The following SLC2A12 variants were observed in gnomAD, a reference collection of about 807,000 sequenced individuals.
SLC2A12 encodes solute carrier family 2, facilitated glucose transporter member 12.
SLC2A12 carries 23 observed loss-of-function variants against 41.8 expected under a neutral mutation model. The observed-to-expected ratio is 0.55, with a 90% CI of 0.40 to 0.78. The LOEUF (loss-of-function observed/expected upper bound fraction) is 0.78. Ranked by LOEUF, SLC2A12 falls within the 30% of genes least tolerant of loss-of-function variation. SLC2A12 has a pLI of 0.00. For missense variants in SLC2A12, 654 were observed against 745.6 expected (o/e 0.88, Z 1.43); for synonymous variants, 295 against 285.9 (o/e 1.03, Z -0.32).
At chr6:134,023,782 A>C (rs1033959523) in intron 2 of SLC2A12, among the ~76,000 whole-genome samples, 16 of 152,206 alleles carry the variant, frequency 1.1e-4, no homozygotes, top group Non-Finnish European at 4.4e-5. Context: ...AAAGTTTATC[A>C]CAGCAATGGA....
At chr6:134,008,241 T>G (rs766690048) in intron 2 of SLC2A12, among the ~76,000 whole-genome samples, 3 of 152,162 alleles carry the variant, frequency 2.0e-5, no homozygotes, top group Non-Finnish European at 4.4e-5. Flanking sequence ...AACTTAAAAT[T>G]TGCCTCTCCT....
intron 2 of SLC2A12, among the ~76,000 whole-genome samples, chr6:134,024,372 G>A (rs764125811): frequency 7.2e-5 from 11 of 152,190 alleles, no homozygotes; most frequent in South Asian, 2.1e-4. Context: ...TGCCAAGACC[G>A]CAGTCTTCCA....
chr6:133,991,641 T>TG (rs1776625510), intron 4 of SLC2A12, among the ~76,000 whole-genome samples: 1 of 152,188 alleles, frequency 6.6e-6, no homozygotes, highest in Non-Finnish European at 1.5e-5. Flanking sequence ...TCCAGCAATG[T>TG]GCCTATATTT....
chr6:134,016,246 C>T (rs150181737), intron 2 of SLC2A12, among the ~76,000 whole-genome samples: 4 of 149,542 alleles, frequency 2.7e-5, no homozygotes, highest in African/African-American at 9.9e-5. Flanking sequence ...GTTGACTGTC[C>T]GATAAAGATA....
intron 3 of SLC2A12, among the ~76,000 whole-genome samples, chr6:134,004,009 T>G (rs371364735): frequency 2.6e-5 from 4 of 152,222 alleles, no homozygotes; most frequent in South Asian, 4.1e-4. Context: ...AAATGTCATC[T>G]AAAGGTTTTA....
At position 133,988,507 on chromosome 6, in the gene SLC2A12, C is replaced by T. The variant is rs190835768; in HGVS notation, c.*2648G>A. On this transcript the variant is annotated 3_prime_UTR_variant, in exon 5 of 5. Coordinates refer to ENST00000275230, the MANE Select transcript of SLC2A12 (RefSeq NM_145176.3). ...TTAAACCTTTGTGGAAAAATTGCAA[C>T]ATCCTAATCTCCATATATAGTACAT... The T allele has an allele frequency of 6.6e-6, 1 of 152,298 alleles. No individual in the cohort carries two copies. Among genetic ancestry groups the T allele is most frequent in the East Asian group, 1.9e-4 (1 of 5,188 alleles). The allele number at this position is 152,298 out of a possible 1,614,324, so 9.4% of individuals were successfully genotyped here. A position where few individuals can be genotyped will look rare whatever the true frequency, so the allele number is the denominator to read the frequency against.
chr6:134,028,223 GAAGCAGATAT>G (rs1245295605), intron 2 of SLC2A12, among the ~76,000 whole-genome samples, 148 bp downstream of exon 2: 1 of 152,288 alleles, frequency 6.6e-6, no homozygotes, highest in African/African-American at 2.4e-5. Flanking sequence ...GTACTTTTCA[GAAGCAGATAT>G]AAGCCAAGCA....
intron 2 of SLC2A12, among the ~76,000 whole-genome samples, chr6:134,019,363 T>A (rs9389128): frequency 1.3e-5 from 2 of 152,036 alleles, no homozygotes; most frequent in African/African-American, 4.8e-5. Context: ...AGCATGAATA[T>A]AAAAATCTTC....
chr6:134,041,056 C>G (rs1032764429), intron 1 of SLC2A12, among the ~76,000 whole-genome samples: 15 of 152,132 alleles, frequency 9.9e-5, no homozygotes, highest in Admixed American at 4.6e-4. Flanking sequence ...AAGAAAGGAA[C>G]TTTTTAATTT....
rs753859312 is a variant in SLC2A12 at position 134,029,470 on chromosome 6, G to A, written c.355C>T (p.Leu119Phe). The part of the protein sequence containing the change: ...AIILSSCLLG[L>F]GSLVLILSLS... ...CTGAGGATCAAGACTAAGCTTCCGA[G>A]TCCAAGCAGGCAGGATGACAAGATG... The change falls in exon 2 of 5, where the codon CTC (leucine) becomes TTC (phenylalanine). Residue 119 changes from leucine (L) to phenylalanine (F), a missense_variant. Leu to Phe is a conservative substitution (Grantham distance 22, BLOSUM62 0). Coordinates refer to ENST00000275230, the MANE Select transcript of SLC2A12 (RefSeq NM_145176.3). The A allele has an allele frequency of 1.9e-5, 31 of 1,614,052 alleles. No homozygotes were observed. Among genetic ancestry groups the A allele is most frequent in the Non-Finnish European group, 2.4e-5 (28 of 1,180,038 alleles).
In SLC2A12 at chr6:134,029,593, C is replaced by A; in HGVS notation, c.232G>T (p.Glu78Ter). Reference protein sequence around the residue: ...IKTLLALSCHEQEMVVSSLVI... With the variant: ...IKTLLALSCH ...AGGGAGCTCACAACCATTTCCTGCT[C>A]ATGGCAGCTCAGGGCTAATAAGGTT... is the stretch of plus-strand genomic sequence containing the variant. Residue 78 changes from glutamate to a stop codon, truncating the protein, a stop_gained, in exon 2 of 5, where the codon GAG (glutamate) becomes TAG (stop). Coordinates refer to ENST00000275230, the MANE Select transcript of SLC2A12 (RefSeq NM_145176.3). LOFTEE classifies it high-confidence loss of function. 1.2e-6 allele frequency: 2 copies of A among 1,614,102 alleles called. No individual in the cohort carries two copies. The highest frequency in any genetic ancestry group is 1.1e-5 in the South Asian group (1 of 91,080).
chr6:134,035,151 C>CCAA (rs1777277339), intron 1 of SLC2A12, among the ~76,000 whole-genome samples: 1 of 107,910 alleles, frequency 9.3e-6, no homozygotes, highest in Non-Finnish European at 1.9e-5. Context: ...GGCTGCCTGA[C>CCAA]AAAAAAAAAA....
At chr6:134,035,237 C>T (rs6932884) in intron 1 of SLC2A12, among the ~76,000 whole-genome samples, 16,313 of 151,616 alleles carry the variant, frequency 0.11, 2,233 homozygotes, top group African/African-American at 0.32. Context: ...CTTTCTGACC[C>T]TCTCGCATTT....
chr6:133,991,386 A>C (rs1324534281), intron 4 of SLC2A12, 78 bp from the exon 5 acceptor site: 1 of 1,476,678 alleles, frequency 6.8e-7, no homozygotes, highest in Non-Finnish European at 9.2e-7. Context: ...TATTTTTTAA[A>C]CCACCCTGGG....
chr6:133,995,611 C>T (rs1025971472), intron 4 of SLC2A12, among the ~76,000 whole-genome samples: 2 of 152,108 alleles, frequency 1.3e-5, no homozygotes, highest in Non-Finnish European at 2.9e-5. Flanking sequence ...ACTTAAGGTC[C>T]GTGGTCATGA....
At position 134,001,986 on chromosome 6, in the gene SLC2A12, G is replaced by T. The variant is rs1212352733; in HGVS notation, c.1700+11C>A. 1 of 1,608,730 alleles carries T rather than the reference G, an allele frequency of 6.2e-7. No individual in the cohort carries two copies. The highest frequency in any genetic ancestry group is 1.1e-5 in the South Asian group (1 of 90,080). Reference sequence around the variant, plus strand: ...GAGTATTGTTCAGAAACCAATGCATGTAATACTTACACTTTTGCTAGCTCC... The same window carrying T: ...GAGTATTGTTCAGAAACCAATGCATTTAATACTTACACTTTTGCTAGCTCC... On this transcript the variant is annotated intron_variant, in intron 4 of 4. Coordinates refer to ENST00000275230, the MANE Select transcript of SLC2A12 (RefSeq NM_145176.3).
At chr6:134,002,573 T>C (rs229913) in intron 3 of SLC2A12, among the ~76,000 whole-genome samples, 1 of 152,168 alleles carries the variant, frequency 6.6e-6, no homozygotes, top group South Asian at 2.1e-4. Flanking sequence ...GTGGACAATT[T>C]TTTCCCCCTC....
chr6:134,026,749 C>T (rs147118554), intron 2 of SLC2A12, among the ~76,000 whole-genome samples: 2 of 152,328 alleles, frequency 1.3e-5, no homozygotes, highest in Admixed American at 6.5e-5. Context: ...AATATGTCTA[C>T]TCACAGTGCA....
intron 2 of SLC2A12, among the ~76,000 whole-genome samples, chr6:134,017,114 G>A (rs1776972720): frequency 6.6e-6 from 1 of 152,090 alleles, no homozygotes; most frequent in African/African-American, 2.4e-5. Flanking sequence ...GAAAAACATG[G>A]AAAAACTTAA....
Sources: allele counts gnomAD v4.1 joint callset (sites outside exome capture counted in the v4.1 genomes callset), GRCh38; gene constraint gnomAD v4.1.1; transcripts MANE v1.5; gene names NCBI Gene and HGNC (gene_info 2026-07-23, HGNC 2026-07-21).